SLC22A3: variants seen among roughly 807,000 people sequenced by gnomAD.
SLC22A3 encodes solute carrier family 22 member 3.
Under a neutral mutation model 59.1 loss-of-function variants are expected in SLC22A3, and 51 were observed. The ratio of observed to expected loss-of-function variants is 0.86; its 90% CI spans 0.69 to 1.09. The LOEUF (loss-of-function observed/expected upper bound fraction) is 1.09, where lower values mean the gene tolerates loss of function less well. SLC22A3 is among the 50% of genes least tolerant of loss of function. SLC22A3 has a pLI of 0.00. For missense variants in SLC22A3, 711 were observed against 726.3 expected (o/e 0.98, Z 0.24); for synonymous variants, 325 against 292.0 (o/e 1.11, Z -1.15).
At chr6:160,402,993 G>A (rs1786848505) in intron 2 of SLC22A3, among the ~76,000 whole-genome samples, 1 of 151,192 alleles carries the variant, frequency 6.6e-6, no homozygotes, top group African/African-American at 2.4e-5. Flanking sequence ...CTGGAGAAGA[G>A]CATATTAAAC....
In SLC22A3 at chr6:160,366,514, A is replaced by G. The variant is rs193142727; in HGVS notation, c.429+17666A>G. On this transcript the variant is annotated intron_variant, in intron 1 of 10. Transcript: ENST00000275300. ...TTCTAGGCACACGGTGCAAGCTGTC[A>G]GTGAATCTACCATTCTGGGTTCTGG... Among the ~76,000 whole-genome samples the G allele has an allele frequency of 1.8e-4, 28 of 152,306 alleles. No individual in the cohort carries two copies. In the East Asian group the frequency reaches 4.3e-3, roughly 23 times the overall value.
At chr6:160,427,135 A>T (rs2665357) in intron 5 of SLC22A3, among the ~76,000 whole-genome samples, 1 of 151,814 alleles carries the variant, frequency 6.6e-6, no homozygotes, top group Non-Finnish European at 1.5e-5. Flanking sequence ...CCTGAGCAAG[A>T]AGCAATGGAA....
At chr6:160,389,494 T>C (rs1184664964) in intron 1 of SLC22A3, among the ~76,000 whole-genome samples, 1 of 152,178 alleles carries the variant, frequency 6.6e-6, no homozygotes, top group Non-Finnish European at 1.5e-5. Flanking sequence ...CAAAATTCAG[T>C]CCTGCCACTG....
At position 160,350,969 on chromosome 6, in the gene SLC22A3, C is replaced by T. The variant is rs1193118582; in HGVS notation, c.429+2121C>T. Among the ~76,000 whole-genome samples the T allele has an allele frequency of 2.6e-5, 4 of 152,272 alleles. No homozygotes were observed. In the South Asian group the frequency reaches 6.2e-4, roughly 24 times the overall value. On this transcript the variant is annotated intron_variant, in intron 1 of 10. Transcript: ENST00000275300. ...TCAGCCCGTTACAATGCTCCAAATG[C>T]CATCAGGGTCACCACCTGGTTACTG...
chr6:160,401,440 A>G (rs1000822145), intron 2 of SLC22A3, among the ~76,000 whole-genome samples: 2 of 152,040 alleles, frequency 1.3e-5, no homozygotes, highest in South Asian at 4.1e-4. Context: ...CTAGAATTCT[A>G]TACTGTGCAA....
chr6:160,442,838 G>A lies in SLC22A3; in HGVS notation c.1366G>A (p.Val456Ile). Residue 456 changes from valine to isoleucine, a missense_variant, in exon 8 of 11, where the codon GTA becomes ATA. Transcript: ENST00000275300. ...CATGGCCTTTGAAATTGTTTATTTG[G>A]TAAATTCAGAATTGTACCCAACAAC... ...ITMAFEIVYL[V>I]NSELYPTTLR... 2 of 1,613,768 alleles carry A rather than the reference G, an allele frequency of 1.2e-6. No homozygotes were observed. The highest frequency in any genetic ancestry group is 1.1e-5 in the South Asian group (1 of 91,074).
chr6:160,374,757 A>T (rs1160879952), intron 1 of SLC22A3, among the ~76,000 whole-genome samples: 1 of 152,222 alleles, frequency 6.6e-6, no homozygotes. Context: ...GACCTGGATC[A>T]AGAAGGGCCA....
intron 1 of SLC22A3, among the ~76,000 whole-genome samples, chr6:160,379,669 C>T (rs1785725249): frequency 6.6e-6 from 1 of 152,128 alleles, no homozygotes; most frequent in African/African-American, 2.4e-5. Context: ...TGGATTATTG[C>T]AGTTAGAGTC....
At chr6:160,443,764 T>C (rs780941500) in intron 9 of SLC22A3, 22 bp downstream of exon 9, 5 of 1,452,804 alleles carry the variant, frequency 3.4e-6, no homozygotes, top group Admixed American at 3.6e-5. Context: ...TTTGCTATTC[T>C]TAAGAGCCTT....
At chr6:160,423,512 T>C (rs1787833354) in intron 5 of SLC22A3, among the ~76,000 whole-genome samples, 1 of 148,660 alleles carries the variant, frequency 6.7e-6, no homozygotes, top group Admixed American at 6.7e-5. Flanking sequence ...TGACTTATTT[T>C]TAATGATTGC....
Position 160,452,535 on chromosome 6 carries a change from A to C in SLC22A3, c.*1479A>C, listed in dbSNP as rs1789008206. 1.3e-5 allele frequency: 2 copies of C among 151,340 alleles called. No individual in the cohort carries two copies. 9.4% of individuals were successfully genotyped at this position (151,340 alleles called of 1,614,324 possible). A position where few individuals can be genotyped will look rare whatever the true frequency, so the allele number is the denominator to read the frequency against. On this transcript the variant is annotated 3_prime_UTR_variant, in exon 11 of 11. Transcript: ENST00000275300. ...CATTGTTGAATTGTATTTTGAGTGGATATTTTTGTTTGGTAACAATTAAAA... is the reference window on the plus strand; with the variant it reads ...CATTGTTGAATTGTATTTTGAGTGGCTATTTTTGTTTGGTAACAATTAAAA...
At chr6:160,425,965 A>T in intron 5 of SLC22A3, 1 of 985,442 alleles carries the variant, frequency 1.0e-6, no homozygotes. Flanking sequence ...GCTGATACGT[A>T]AGAGAATCTC....
intron 1 of SLC22A3, among the ~76,000 whole-genome samples, chr6:160,376,190 C>T (rs1406890092): frequency 6.6e-6 from 1 of 152,156 alleles, no homozygotes; most frequent in Non-Finnish European, 1.5e-5. Context: ...ATGTCCTTTG[C>T]AGGGATATGG....
At chr6:160,355,804 C>T (rs1374013975) in intron 1 of SLC22A3, among the ~76,000 whole-genome samples, 1 of 151,514 alleles carries the variant, frequency 6.6e-6, no homozygotes, top group South Asian at 2.1e-4. Context: ...CAACAAAAAA[C>T]TTGTCTTTTC....
At chr6:160,397,915 G>T in intron 1 of SLC22A3, 64 bp from the exon 2 acceptor site, 2 of 1,219,758 alleles carry the variant, frequency 1.6e-6, no homozygotes, top group Non-Finnish European at 2.4e-6. Context: ...CTATACAAAA[G>T]ATAAGGTGTT....
chr6:160,418,934 G>C (rs1182621746), intron 5 of SLC22A3, among the ~76,000 whole-genome samples: 1 of 152,156 alleles, frequency 6.6e-6, no homozygotes, highest in African/African-American at 2.4e-5. Context: ...ATTGTTTATA[G>C]TGAATCTACT....
intron 5 of SLC22A3, among the ~76,000 whole-genome samples, chr6:160,429,385 C>T (rs535489338): frequency 3.9e-5 from 6 of 152,282 alleles, no homozygotes; most frequent in Middle Eastern, 3.4e-3. Flanking sequence ...AATAACCAGA[C>T]GAAATCACAA....
chr6:160,450,219 G>A (rs1179660576), intron 10 of SLC22A3, among the ~76,000 whole-genome samples: 4 of 152,134 alleles, frequency 2.6e-5, no homozygotes, highest in Admixed American at 6.5e-5. Flanking sequence ...CTCCCAGTGC[G>A]ACTGTTTATA....
Position 160,437,148 on chromosome 6 carries a change from C to T in SLC22A3, c.1225C>T (p.Pro409Ser), listed in dbSNP as rs938407987. ...LTIERLGRRL[P>S]FAASNIVAGV... ...CATTGAGCGCCTTGGACGACGCCTC[C>T]CCTTTGCGGCAAGCAATATAGTGGC... Residue 409 changes from proline (P) to serine (S), a missense_variant, in exon 7 of 11, where the codon CCC (proline) becomes TCC (serine). Physicochemically the swap from Pro to Ser is moderately conservative, Grantham distance 74 (BLOSUM62 -1). Coordinates refer to ENST00000275300, the MANE Select transcript of SLC22A3 (RefSeq NM_021977.4). 15 of 1,614,012 alleles carry T rather than the reference C, an allele frequency of 9.3e-6. No individual in the cohort carries two copies. Among genetic ancestry groups the T allele is most frequent in the Admixed American group, 1.7e-5 (1 of 60,000 alleles).
Sources: allele counts gnomAD v4.1 joint callset (sites outside exome capture counted in the v4.1 genomes callset), GRCh38; gene constraint gnomAD v4.1.1; transcripts MANE v1.5; gene names NCBI Gene and HGNC (gene_info 2026-07-23, HGNC 2026-07-21).